The following SDK1 variants were observed in gnomAD, a reference collection of about 807,000 sequenced individuals.
The protein encoded by SDK1 is sidekick cell adhesion molecule 1, also known as protein sidekick-1.
In SDK1, 157 loss-of-function variants were observed where a neutral mutation model predicts 245.5. That is an observed-to-expected ratio of 0.64 (90% CI 0.56 to 0.73). SDK1 has a LOEUF of 0.73. Among genes scored for constraint, SDK1 ranks in the 30% least tolerant of loss-of-function variants. The pLI is 0.00. For missense variants in SDK1, 3,583 were observed against 3,002.3 expected (o/e 1.19, Z -4.52); for synonymous variants, 1,647 against 1,278.5 (o/e 1.29, Z -6.15).
chr7:4,115,303 C>G (rs1783630269), intron 25 of SDK1, among the ~76,000 whole-genome samples: 1 of 152,170 alleles, frequency 6.6e-6, no homozygotes, highest in Admixed American at 6.5e-5. Flanking sequence ...TCTGGACTAA[C>G]CTAGGCTGTT....
chr7:4,068,486 G>C (rs1452298772), intron 20 of SDK1, among the ~76,000 whole-genome samples: 1 of 152,074 alleles, frequency 6.6e-6, no homozygotes, highest in Non-Finnish European at 1.5e-5. Context: ...TGAGCCGCAA[G>C]GGTGAGATCT....
chr7:3,548,853 A>G lies in SDK1; in HGVS notation c.299-70227A>G, dbSNP rs373877642. On this transcript the variant is annotated intron_variant, in intron 1 of 44. Transcript: ENST00000404826. ...GATATTTTGTATCCTTTTATCATCT[A>G]TATTAATAAGCTCATAAAGAAAGTA... Among the ~76,000 whole-genome samples the G allele has an allele frequency of 2.6e-5, 4 of 152,328 alleles. 1 individual carries two copies. The East Asian group carries it at 5.8e-4, about 22-fold the overall frequency.
chr7:4,079,372 A>G, intron 21 of SDK1, 91 bp from the exon 22 acceptor site: 1 of 1,481,062 alleles, frequency 6.8e-7, no homozygotes, highest in Non-Finnish European at 9.3e-7. Context: ...TCGTTTTGAA[A>G]CTGTTTACTT....
At chr7:3,424,125 T>G (rs1779610232) in intron 1 of SDK1, among the ~76,000 whole-genome samples, 1 of 152,164 alleles carries the variant, frequency 6.6e-6, no homozygotes, top group Non-Finnish European at 1.5e-5. Context: ...TTTGCCAGGC[T>G]GGTCTCAAAC....
At chr7:3,319,779 A>G (rs755221665) in intron 1 of SDK1, among the ~76,000 whole-genome samples, 1 of 151,432 alleles carries the variant, frequency 6.6e-6, no homozygotes, top group Non-Finnish European at 1.5e-5. Flanking sequence ...TACATTTGAA[A>G]TGTTCTGTTT....
chr7:3,672,561 A>G (rs958933828), intron 4 of SDK1, among the ~76,000 whole-genome samples: 5 of 145,176 alleles, frequency 3.4e-5, no homozygotes, highest in African/African-American at 7.6e-5. Context: ...AGTGAGATCG[A>G]TAAAGGAGAT....
chr7:3,960,747 G>T (rs1234460097), intron 8 of SDK1, among the ~76,000 whole-genome samples: 1 of 152,182 alleles, frequency 6.6e-6, no homozygotes, highest in African/African-American at 2.4e-5. Context: ...CGGCATAGGG[G>T]AGGGGGAAAA....
intron 4 of SDK1, 28 bp downstream of exon 4, chr7:3,642,133 A>T (rs1377366600): frequency 6.2e-7 from 1 of 1,609,092 alleles, no homozygotes; most frequent in Non-Finnish European, 8.5e-7. Context: ...TTAAAGCTTC[A>T]AATACAATTG....
At chr7:3,336,339 G>A (rs575051347) in intron 1 of SDK1, among the ~76,000 whole-genome samples, 24 of 152,270 alleles carry the variant, frequency 1.6e-4, no homozygotes, top group African/African-American at 4.8e-4. Flanking sequence ...TGCTGACAGC[G>A]CCTAGTGGGG....
chr7:3,583,064 G>T (rs1780562683), intron 1 of SDK1, among the ~76,000 whole-genome samples: 1 of 152,206 alleles, frequency 6.6e-6, no homozygotes, highest in African/African-American at 2.4e-5. Flanking sequence ...GGGTAGGGAT[G>T]GGAGTAAAAG....
At chr7:4,025,986 G>A (rs1258108243) in intron 17 of SDK1, among the ~76,000 whole-genome samples, 2 of 152,196 alleles carry the variant, frequency 1.3e-5, no homozygotes, top group African/African-American at 2.4e-5. Context: ...TCCCCTGCTG[G>A]AAATGCTGAA....
chr7:4,262,636 G>A (rs182107340), intron 44 of SDK1, among the ~76,000 whole-genome samples: 125 of 146,726 alleles, frequency 8.5e-4, no homozygotes, highest in African/African-American at 2.8e-3. Flanking sequence ...ACCCTCGGAG[G>A]TCTCTGTGGA....
chr7:4,031,582 CAT>C (rs1373988568), intron 17 of SDK1, among the ~76,000 whole-genome samples: 1 of 150,354 alleles, frequency 6.7e-6, no homozygotes, highest in African/African-American at 2.4e-5. Flanking sequence ...CACACACTTA[CAT>C]ATGTCAAGAA....
At chr7:4,087,071 C>G (rs1180824104) in intron 22 of SDK1, among the ~76,000 whole-genome samples, 2 of 150,642 alleles carry the variant, frequency 1.3e-5, no homozygotes, top group Admixed American at 1.3e-4. Flanking sequence ...TGACTCCTTT[C>G]TTGCATGCCT....
intron 1 of SDK1, among the ~76,000 whole-genome samples, chr7:3,331,096 T>C (rs1028254797): frequency 3.9e-5 from 6 of 152,078 alleles, no homozygotes; most frequent in African/African-American, 1.4e-4. Context: ...AAACCCCGTC[T>C]CTACTAAAAA....
In SDK1 at chr7:3,969,344, T is replaced by G. The variant is rs1190851495; in HGVS notation, c.1634T>G (p.Ile545Ser). The G allele has an allele frequency of 1.2e-6, 2 of 1,611,300 alleles. No individual in the cohort carries two copies. Among genetic ancestry groups the G allele is most frequent in the South Asian group, 2.2e-5 (2 of 90,120 alleles). The change falls in exon 11 of 45, where the codon ATC (isoleucine) becomes AGC (serine). Residue 545 changes from isoleucine (I) to serine (S), a missense_variant. Ile to Ser is a moderately radical substitution (Grantham distance 142). Transcript: ENST00000404826. ...GGTCTACAGATCGCGCCCGTCTTCATCCAGGATGCCGGCAACTACACCTGC... is the reference window on the plus strand; with the variant it reads ...GGTCTACAGATCGCGCCCGTCTTCAGCCAGGATGCCGGCAACTACACCTGC... ...SGGLQIAPVF[I>S]QDAGNYTCYA...
intron 1 of SDK1, among the ~76,000 whole-genome samples, chr7:3,614,459 A>G (rs1781704375): frequency 6.6e-6 from 1 of 152,234 alleles, no homozygotes; most frequent in South Asian, 2.1e-4. Context: ...TCCCCAGGTC[A>G]GAGTTTTATA....
At chr7:3,860,601 T>C (rs1583486124) in intron 5 of SDK1, among the ~76,000 whole-genome samples, 1 of 152,202 alleles carries the variant, frequency 6.6e-6, no homozygotes. Context: ...TTTGGTGATA[T>C]CTATTGAGAA....
rs766407288 is a variant in SDK1, at chr7:3,839,552, GT to G, written c.847+17973del. 7.9e-5 allele frequency among the ~76,000 whole-genome samples: 12 copies of G among 152,196 alleles called. No homozygotes were observed. The East Asian group carries it at 1.4e-3, about 17-fold the overall frequency. The stretch of plus-strand genomic sequence containing the variant: ...CCCATCTGTTTATTTATGAAAATAA[GT>G]TTTCTCCATGCATACATTTATAAAA... On this transcript the variant is annotated intron_variant, in intron 5 of 44. Transcript: ENST00000404826.
Sources: gnomAD v4.1 joint callset for allele counts (sites outside exome capture counted in the v4.1 genomes callset) on GRCh38, gnomAD v4.1.1 for gene constraint, MANE v1.5 for transcripts, NCBI Gene and HGNC (gene_info 2026-07-23, HGNC 2026-07-21) for gene names.